Variants in NSD1 observed in about 807,000 individuals in gnomAD.
The protein encoded by NSD1 is nuclear receptor binding SET domain protein 1.
A neutral mutation model predicts 242.7 loss-of-function variants in NSD1; 26 were observed. The ratio of observed to expected loss-of-function variants is 0.11; its 90% confidence interval spans 0.08 to 0.15. The LOEUF (loss-of-function observed/expected upper bound fraction) is 0.15, where lower values mean the gene tolerates loss of function less well. Ranked by LOEUF, NSD1 falls within the 10% of genes least tolerant of loss-of-function variation. The probability of loss-of-function intolerance (pLI) is 1.00; values close to 1 mark genes in which losing one functional copy is unlikely to be tolerated. For missense variants in NSD1, 2,495 were observed against 3,272.8 expected, an observed-to-expected ratio of 0.76 and a Z score of 5.80; for synonymous variants, 1,106 against 1,178.1, an observed-to-expected ratio of 0.94 and a Z score of 1.25.
chr5:177,294,587 A>G lies in NSD1; in HGVS notation c.7219A>G (p.Thr2407Ala), dbSNP rs1057524329. The part of the protein sequence containing the change: ...SPKPQTSDRP[T>A]DKPHASLSQR... ...CAAACCCCAGACTTCAGACAGGCCT[A>G]CTGACAAACCCCATGCCTCTTTGTC... Residue 2407 changes from threonine (T) to alanine (A), a missense_variant, in exon 23 of 23, where the codon ACT (threonine) becomes GCT (alanine). Thr to Ala is a moderately conservative substitution (Grantham distance 58). Coordinates refer to ENST00000439151, the MANE Select transcript of NSD1 (RefSeq NM_022455.5). 2.5e-6 allele frequency: 4 copies of G among 1,614,232 alleles called. No individual in the cohort carries two copies. The highest frequency in any genetic ancestry group is 2.7e-5 in the African/African-American group (2 of 75,048).
At chr5:177,133,751 G>C (rs1295506445), upstream of NSD1, 1 of 148,654 alleles carries the variant, frequency 6.7e-6, no homozygotes, top group African/African-American at 2.4e-5. The surrounding 1 kb of genome is among the most constrained non-coding windows in gnomAD (Gnocchi z 6.2). Context: ...GGGGGCGCGC[G>C]CGGTGGGGGT....
intron 20 of NSD1, among the ~76,000 whole-genome samples, chr5:177,285,802 T>C (rs892521611): frequency 1.3e-5 from 2 of 152,184 alleles, no homozygotes; most frequent in Non-Finnish European, 2.9e-5. Context: ...AGTTCTCCTT[T>C]GCTCAGTCAC....
intron 3 of NSD1, among the ~76,000 whole-genome samples, chr5:177,197,303 G>T (rs1762173987): frequency 6.6e-6 from 1 of 150,800 alleles, no homozygotes; most frequent in African/African-American, 2.4e-5. Context: ...AAATAAATTG[G>T]GTATTGTAAG....
intron 4 of NSD1, among the ~76,000 whole-genome samples, chr5:177,205,106 G>A (rs71601343): frequency 0.14 from 20,631 of 151,886 alleles, 1,926 homozygotes; most frequent in East Asian, 0.51. Context: ...GCACACTCTT[G>A]GCTCACTGCA....
intron 2 of NSD1, among the ~76,000 whole-genome samples, chr5:177,155,096 T>C (rs986145810): frequency 3.9e-5 from 6 of 151,912 alleles, no homozygotes; most frequent in Non-Finnish European, 5.9e-5. Flanking sequence ...GTTCAAGTGA[T>C]TCTCCTGCCT....
intron 5 of NSD1, among the ~76,000 whole-genome samples, chr5:177,235,417 G>A (rs796231042): frequency 4.6e-5 from 7 of 152,138 alleles, no homozygotes; most frequent in African/African-American, 1.7e-4. Context: ...CTGATCCCAA[G>A]CGTTTCAGAT....
chr5:177,252,627 T>C lies in NSD1; in HGVS notation c.4765+774T>C, dbSNP rs1337645337. ...AGTACAGTGGCGTGATCATAGCTCA[T>C]TGTAGTCTTGAGCTCCTGGGCTCAA... On this transcript the variant is annotated intron_variant, in intron 12 of 22. Coordinates refer to ENST00000439151, the MANE Select transcript of NSD1 (RefSeq NM_022455.5). Among the ~76,000 whole-genome samples, 5 of 146,488 alleles carry C rather than the reference T, an allele frequency of 3.4e-5. No homozygotes were observed. In the Admixed American group the frequency reaches 3.5e-4, roughly 10 times the overall value.
rs764617189 is a variant in NSD1, at chr5:177,246,483, T to TA, written c.4379-194dup. Reference sequence around the variant, plus strand: ...TATTTAATCTATATGAGGGAGCAGTTACATATATGTAGCCATTTCCCTTCT... The same window carrying TA: ...TATTTAATCTATATGAGGGAGCAGTTAACATATATGTAGCCATTTCCCTTCT... On this transcript the variant is annotated intron_variant, in intron 9 of 22. Coordinates refer to ENST00000439151, the MANE Select transcript of NSD1 (RefSeq NM_022455.5). Among the ~76,000 whole-genome samples, 4 of 152,242 alleles carry TA rather than the reference T, an allele frequency of 2.6e-5. No homozygotes were observed. In the South Asian group the frequency reaches 6.2e-4, roughly 24 times the overall value.
At chr5:177,227,735 C>T (rs536426430) in intron 5 of NSD1, among the ~76,000 whole-genome samples, 77 of 152,184 alleles carry the variant, frequency 5.1e-4, no homozygotes, top group African/African-American at 1.7e-3. Context: ...GCCATACACC[C>T]GGCCTAAATA....
intron 2 of NSD1, among the ~76,000 whole-genome samples, chr5:177,141,176 C>T (rs537440038): frequency 1.1e-4 from 17 of 151,990 alleles, no homozygotes; most frequent in South Asian, 4.2e-4. Flanking sequence ...CGCCCGCCAC[C>T]GCAACCAGCT....
chr5:177,139,292 C>G (rs542288869), intron 2 of NSD1, among the ~76,000 whole-genome samples: 2 of 149,474 alleles, frequency 1.3e-5, no homozygotes, highest in African/African-American at 4.9e-5. Flanking sequence ...GGTGAAACCC[C>G]GTCTCTACTA....
At chr5:177,253,390 T>A (rs77700654) in intron 12 of NSD1, among the ~76,000 whole-genome samples, 7,408 of 152,318 alleles carry the variant, frequency 0.049, 199 homozygotes, top group South Asian at 0.082. Context: ...TGTATGCATC[T>A]GTGAAATCAT....
chr5:177,185,821 AAT>A lies in NSD1; in HGVS notation c.928-6057_928-6056del, dbSNP rs1482499742. ...TATATATATATAAATTTATATATAT[AAT>A]ATATAAGTTTTATATATTTAAATAT... is the stretch of plus-strand genomic sequence containing the variant. On this transcript the variant is annotated intron_variant, in intron 2 of 22. Transcript: ENST00000439151. Among the ~76,000 whole-genome samples the A allele has an allele frequency of 4.4e-5, 4 of 91,524 alleles. No homozygotes were observed. The Admixed American group carries it at 5.4e-4, about 12-fold the overall frequency. The allele number at this position is 91,524 out of a possible 152,430, so 60.0% of individuals were successfully genotyped here. A position where few individuals can be genotyped will look rare whatever the true frequency, so the allele number is the denominator to read the frequency against.
At chr5:177,279,106 A>G (rs776654257) in intron 17 of NSD1, among the ~76,000 whole-genome samples, 11 of 152,212 alleles carry the variant, frequency 7.2e-5, no homozygotes, top group Non-Finnish European at 1.5e-4. Flanking sequence ...TGTAGTCCCA[A>G]CTACTTGTGA....
intron 2 of NSD1, among the ~76,000 whole-genome samples, chr5:177,138,095 AAAC>A (rs1312104053): frequency 7.4e-5 from 7 of 94,008 alleles, no homozygotes; most frequent in African/African-American, 3.0e-4. Flanking sequence ...AACAACAAAA[AAAC>A]AAACAAACAA....
intron 6 of NSD1, among the ~76,000 whole-genome samples, chr5:177,236,315 GAAATA>G (rs1765431488): frequency 1.3e-5 from 2 of 152,054 alleles, no homozygotes; most frequent in Non-Finnish European, 2.9e-5. Context: ...TTTTTAAAAT[GAAATA>G]GAGACATCTT....
At position 177,251,789 on chromosome 5, in the gene NSD1, C is replaced by T; in HGVS notation, c.4701C>T (p.His1567=). 6.2e-7 allele frequency: 1 copy of T among 1,614,096 alleles called. No homozygotes were observed. The highest frequency in any genetic ancestry group is 1.1e-5 in the South Asian group (1 of 91,080). The stretch of plus-strand genomic sequence containing the variant: ...AGGCTCAGTGCTGTGGGGCTTTCCA[C>T]CTGGAGTGCCTTGGATTGACTGAGA... ...LCEAQCCGAF[H]LECLGLTEMP... Residue 1567 remains histidine (H), a synonymous_variant, in exon 12 of 23, where the codon CAC becomes CAT. Transcript: ENST00000439151.
intron 2 of NSD1, among the ~76,000 whole-genome samples, chr5:177,159,604 T>C (rs998294941): frequency 1.3e-4 from 19 of 149,206 alleles, no homozygotes; most frequent in African/African-American, 4.7e-4. Context: ...TTTTTTTTTT[T>C]TTTTTTTTGA....
chr5:177,291,275 A>G (rs539344333), intron 21 of NSD1, among the ~76,000 whole-genome samples: 3 of 152,346 alleles, frequency 2.0e-5, no homozygotes, highest in African/African-American at 7.2e-5. Flanking sequence ...TAGTAAGTTC[A>G]GTTATGCTTT....
Sources: allele counts gnomAD v4.1 joint callset (sites outside exome capture counted in the v4.1 genomes callset), GRCh38; gene constraint gnomAD v4.1.1; non-coding constraint Gnocchi (gnomAD v3.1); transcripts MANE v1.5; gene names NCBI Gene and HGNC (gene_info 2026-07-23, HGNC 2026-07-21).